The following ESPL1 variants were observed in gnomAD, a reference collection of about 807,000 sequenced individuals.
The protein encoded by ESPL1 is extra spindle pole bodies like 1, separase.
In ESPL1, 50 loss-of-function variants were observed where a neutral mutation model predicts 217.2. The ratio of observed to expected loss-of-function variants is 0.23; its 90% confidence interval spans 0.18 to 0.29. The LOEUF is 0.29. Among genes scored for constraint, ESPL1 ranks in the 10% least tolerant of loss-of-function variants. The pLI is 1.00. For missense variants in ESPL1, 1,834 were observed against 2,603.0 expected (o/e 0.70, Z 6.43); for synonymous variants, 994 against 1,081.3 (o/e 0.92, Z 1.58).
chr12:53,293,119 T>C lies in ESPL1; in HGVS notation c.6161+149T>C. 1.0e-6 allele frequency: 1 copy of C among 978,534 alleles called. No homozygotes were observed. Among genetic ancestry groups the C allele is most frequent in the Non-Finnish European group, 1.5e-6 (1 of 652,392 alleles). The allele number at this position is 978,534 out of a possible 1,614,324, so 60.6% of individuals were successfully genotyped here. ...CTGGCATGCCTGGACCATTAACCCT[T>C]AGCTCCCTTCTGTTCTTCTCTTGTA... is the stretch of plus-strand genomic sequence containing the variant. On this transcript the variant is annotated intron_variant, in intron 30 of 30. Transcript: ENST00000257934. This position sits in a 1 kb window ranked among gnomAD's most constrained non-coding sequence, Gnocchi z 4.2.
chr12:53,288,725 T>C (rs924481795), intron 20 of ESPL1, 26 bp downstream of exon 20: 3 of 1,595,474 alleles, frequency 1.9e-6, no homozygotes, highest in Non-Finnish European at 2.6e-6. Flanking sequence ...CTGATGTTGG[T>C]CACTTGGAGA....
rs1592492780 is a variant in ESPL1 at position 53,286,589 on chromosome 12, A to C, written c.3853A>C (p.Thr1285Pro). The C allele has an allele frequency of 6.2e-7, 1 of 1,614,032 alleles. No homozygotes were observed. Among genetic ancestry groups the C allele is most frequent in the South Asian group, 1.1e-5 (1 of 91,066 alleles). ...ACTAGGTGGCCTCAGCTGCTGTACT[A>C]CCCAACTTTTTGCAAGCTCCTGGGG... ...TKLGGLSCCT[T>P]QLFASSWGWQ... is the part of the protein sequence containing the mutation. Residue 1285 changes from threonine to proline, a missense_variant, in exon 18 of 31, where the codon ACC becomes CCC. Thr to Pro is a conservative substitution (Grantham distance 38). Coordinates refer to ENST00000257934, the MANE Select transcript of ESPL1 (RefSeq NM_012291.5). The surrounding 1 kb of genome is among the most constrained non-coding windows in gnomAD (Gnocchi z 5.3).
At chr12:53,274,476 T>C (rs768708507) in intron 6 of ESPL1, 6 of 223,398 alleles carry the variant, frequency 2.7e-5, no homozygotes, top group Non-Finnish European at 3.6e-5. Flanking sequence ...GGTAGGTGAC[T>C]GGCGGGAGGG....
At chr12:53,281,003 A>AT (rs1200012419) in intron 12 of ESPL1, among the ~76,000 whole-genome samples, 4 of 152,046 alleles carry the variant, frequency 2.6e-5, no homozygotes, top group Non-Finnish European at 5.9e-5. Flanking sequence ...AAAAAAAAAA[A>AT]AGTGGTTAAC....
intron 16 of ESPL1, 38 bp downstream of exon 16, chr12:53,283,576 C>A: frequency 6.3e-7 from 1 of 1,576,144 alleles, no homozygotes; most frequent in Non-Finnish European, 8.7e-7. Context: ...ATGATGGCAC[C>A]AAAGTGCCAT....
intron 7 of ESPL1, 150 bp downstream of exon 7, chr12:53,275,160 C>T (rs1487378124): frequency 1.6e-6 from 1 of 609,816 alleles, no homozygotes; most frequent in South Asian, 2.1e-5. Context: ...ATTAGCTGGG[C>T]ATTGGCCGTG....
chr12:53,291,965 C>T lies in ESPL1; in HGVS notation c.5692-19C>T, dbSNP rs759945150. On this transcript the variant is annotated intron_variant, in intron 26 of 30. Coordinates refer to ENST00000257934, the MANE Select transcript of ESPL1 (RefSeq NM_012291.5). ...TATACCTGGCTGGGGACAGTAACCT[C>T]TTAGTGCTTTTTGCCCAGGACTTGC... The T allele has an allele frequency of 5.6e-6, 9 of 1,612,568 alleles. No individual in the cohort carries two copies. The highest frequency in any genetic ancestry group is 2.7e-5 in the African/African-American group (2 of 74,886).
chr12:53,269,762 G>A lies in ESPL1; in HGVS notation c.820G>A (p.Ala274Thr), dbSNP rs533105519. 1.1e-5 allele frequency: 18 copies of A among 1,614,158 alleles called. No homozygotes were observed. In the East Asian group the frequency reaches 2.5e-4, roughly 22 times the overall value. ...WSRHHDKAIS[A>T]VEKAHSYLRN... ...CCGCCACCATGACAAAGCCATCAGC[G>A]CAGTGGAGAAGGCTCACAGTTACCT... Residue 274 changes from alanine (A) to threonine (T), a missense_variant, in exon 3 of 31, where the codon GCA becomes ACA. By Grantham distance (58) the Ala-to-Thr change is moderately conservative. Transcript: ENST00000257934. The surrounding 1 kb of genome is among the most constrained non-coding windows in gnomAD (Gnocchi z 6.7).
At chr12:53,287,909 C>T (rs1943977726) in intron 18 of ESPL1, 63 bp from the exon 19 acceptor site, 3 of 1,492,090 alleles carry the variant, frequency 2.0e-6, no homozygotes, top group Middle Eastern at 2.4e-4. Context: ...ACGCCACCTG[C>T]TGTCACAAGG....
rs1485661175 is a variant in ESPL1 at position 53,288,139 on chromosome 12, C to A, written c.4344C>A (p.Asn1448Lys). 1.2e-6 allele frequency: 2 copies of A among 1,613,688 alleles called. No individual in the cohort carries two copies. Among genetic ancestry groups the A allele is most frequent in the Admixed American group, 3.3e-5 (2 of 59,986 alleles). The change falls in exon 19 of 31, where the codon AAC becomes AAA. Residue 1448 changes from asparagine to lysine, a missense_variant. Asn to Lys is a moderately conservative substitution (Grantham distance 94). Transcript: ENST00000257934. ...TTGCCCCAGGTAGTGCCCCTGGGAA[C>A]CCTGGCCTGAATGGCAGGAGCCGGA... is the stretch of plus-strand genomic sequence containing the variant. ...AVVAPGSAPG[N>K]PGLNGRSRRA... is the part of the protein sequence containing the mutation.
rs1416709138 is a variant in ESPL1 at position 53,282,139 on chromosome 12, G to A, written c.2620-125G>A. ...ATCTCGAAAGCCAGGCAAATATTCA[G>A]AAAATTCTAAAATCTTTCTAATACC... On this transcript the variant is annotated intron_variant, in intron 13 of 30. Coordinates refer to ENST00000257934, the MANE Select transcript of ESPL1 (RefSeq NM_012291.5). This position sits in a 1 kb window ranked among gnomAD's most constrained non-coding sequence, Gnocchi z 4.0. 1 of 787,326 alleles carries A rather than the reference G, an allele frequency of 1.3e-6. No homozygotes were observed. 48.8% of individuals were successfully genotyped at this position (787,326 alleles called of 1,614,324 possible).
chr12:53,277,178 A>T lies in ESPL1; in HGVS notation c.2036A>T (p.Gln679Leu), dbSNP rs1489360864. The T allele has an allele frequency of 6.2e-7, 1 of 1,614,096 alleles. No individual in the cohort carries two copies. Among genetic ancestry groups the T allele is most frequent in the Non-Finnish European group, 8.5e-7 (1 of 1,179,904 alleles). ...GATCAGCTTCTGGACGATAAAGCAC[A>T]GGCCTTGCTGTGGCTTTACATCTGT... is the stretch of plus-strand genomic sequence containing the variant. Reference protein sequence around the residue: ...ARDQLLDDKAQALLWLYICTL... With the variant: ...ARDQLLDDKALALLWLYICTL... The change falls in exon 9 of 31, where the codon CAG (glutamine) becomes CTG (leucine). Residue 679 changes from glutamine (Q) to leucine (L), a missense_variant. This residue lies in a region of ESPL1 where 746 missense variants were observed against 1,077.0 expected (regional missense o/e 0.69). Coordinates refer to ENST00000257934, the MANE Select transcript of ESPL1 (RefSeq NM_012291.5).
chr12:53,285,840 A>T, intron 17 of ESPL1, 84 bp from the exon 18 acceptor site: 1 of 1,058,410 alleles, frequency 9.4e-7, no homozygotes, highest in Non-Finnish European at 1.4e-6. Flanking sequence ...CACATATATT[A>T]GAGAATTGGG....
At position 53,282,487 on chromosome 12, in the gene ESPL1, G is replaced by T. The variant is rs375270660; in HGVS notation, c.2791+52G>T. Reference sequence around the variant, plus strand: ...CTTGGATGACATGTATGGTCTGTCTGCTGTCAGCTCTTCTCAAACCTCATC... The same window carrying T: ...CTTGGATGACATGTATGGTCTGTCTTCTGTCAGCTCTTCTCAAACCTCATC... On this transcript the variant is annotated intron_variant, in intron 14 of 30. Transcript: ENST00000257934. This position sits in a 1 kb window ranked among gnomAD's most constrained non-coding sequence, Gnocchi z 4.0. The T allele has an allele frequency of 5.4e-5, 84 of 1,543,076 alleles. No homozygotes were observed. The African/African-American group carries it at 1.1e-3, about 20-fold the overall frequency.
rs1444923048 is a variant in ESPL1 at position 53,286,199 on chromosome 12, G to C, written c.3463G>C (p.Val1155Leu). Residue 1155 changes from valine to leucine, a missense_variant, in exon 18 of 31, where the codon GTC becomes CTC. Around this residue, in one of 5 missense-constraint regions of ESPL1, gnomAD observed 681 missense variants for 808.0 expected, o/e 0.84. Coordinates refer to ENST00000257934, the MANE Select transcript of ESPL1 (RefSeq NM_012291.5). This position sits in a 1 kb window ranked among gnomAD's most constrained non-coding sequence, Gnocchi z 5.3. ...TCDCSLCASPVLTAVCLRWVL... is the reference protein window; with the variant it reads ...TCDCSLCASPLLTAVCLRWVL... ...TGACTGCTCGCTCTGCGCCAGCCCT[G>C]TCCTCACAGCAGTCTGTCTGCGCTG... 2 of 1,614,244 alleles carry C rather than the reference G, an allele frequency of 1.2e-6. No individual in the cohort carries two copies. Among genetic ancestry groups the C allele is most frequent in the Admixed American group, 1.7e-5 (1 of 60,028 alleles).
At chr12:53,285,297 A>G (rs1447852627) in intron 17 of ESPL1, among the ~76,000 whole-genome samples, 1 of 152,152 alleles carries the variant, frequency 6.6e-6, no homozygotes, top group African/African-American at 2.4e-5. Context: ...TAAATGAGAA[A>G]GTTGAGAAGT....
chr12:53,292,138 G>A lies in ESPL1; in HGVS notation c.5796+50G>A, dbSNP rs779875513. The stretch of plus-strand genomic sequence containing the variant: ...GGGATGACTGGCGACTGGGGAAGAC[G>A]TCAACAAAGAAGGGCAGAGAAACCT... On this transcript the variant is annotated intron_variant, in intron 27 of 30. Transcript: ENST00000257934. The surrounding 1 kb of genome is among the most constrained non-coding windows in gnomAD (Gnocchi z 4.5). 2.7e-5 allele frequency: 40 copies of A among 1,508,130 alleles called. No individual in the cohort carries two copies. In the East Asian group the frequency reaches 5.4e-4, roughly 20 times the overall value. 93.4% of individuals were successfully genotyped at this position (1,508,130 alleles called of 1,614,324 possible).
At chr12:53,288,767 G>A in intron 20 of ESPL1, 68 bp downstream of exon 20, 5 of 1,441,136 alleles carry the variant, frequency 3.5e-6, no homozygotes, top group Non-Finnish European at 4.7e-6. Context: ...TGACCCCTCT[G>A]TCTTTCCAGG....
Position 53,291,700 on chromosome 12 carries a change from G to T in ESPL1, c.5531G>T (p.Ser1844Ile). The T allele has an allele frequency of 6.2e-7, 1 of 1,613,846 alleles. No homozygotes were observed. Among genetic ancestry groups the T allele is most frequent in the Non-Finnish European group, 8.5e-7 (1 of 1,179,860 alleles). The change falls in exon 26 of 31, where the codon AGT (serine) becomes ATT (isoleucine). Residue 1844 changes from serine (S) to isoleucine (I), a missense_variant. By Grantham distance (142) the Ser-to-Ile change is moderately radical. Transcript: ENST00000257934. ...ACTGTTTCCCTGCAGATCATGCTCA[G>T]TGGTGCCGGTGCCCTCACCCCTCAG... is the stretch of plus-strand genomic sequence containing the variant. ...PDRTLLKIML[S>I]GAGALTPQDI...
Sources: allele counts gnomAD v4.1 joint callset (sites outside exome capture counted in the v4.1 genomes callset), GRCh38; gene constraint gnomAD v4.1.1; regional missense constraint gnomAD v4.1.1; non-coding constraint Gnocchi (gnomAD v3.1); transcripts MANE v1.5; gene names NCBI Gene and HGNC (gene_info 2026-07-23, HGNC 2026-07-21).